Variants in FNDC1 observed in about 807,000 individuals in gnomAD.
FNDC1 encodes fibronectin type III domain-containing protein 1.
In FNDC1, 96 loss-of-function variants were observed where a neutral mutation model predicts 168.0. The ratio of observed to expected loss-of-function variants is 0.57; its 90% confidence interval spans 0.48 to 0.68. FNDC1 has a LOEUF of 0.68. Among genes scored for constraint, FNDC1 ranks in the 30% least tolerant of loss-of-function variants. FNDC1 has a pLI of 0.00. For missense variants in FNDC1, 2,587 were observed against 2,482.1 expected, an observed-to-expected ratio of 1.04 and a Z score of -0.90; for synonymous variants, 1,099 against 1,025.9, an observed-to-expected ratio of 1.07 and a Z score of -1.36.
At chr6:159,212,606 T>C (rs1327674232) in intron 4 of FNDC1, among the ~76,000 whole-genome samples, 1 of 152,216 alleles carries the variant, frequency 6.6e-6, no homozygotes, top group Non-Finnish European at 1.5e-5. Flanking sequence ...GAGGACATTC[T>C]CACTTCACTC....
intron 17 of FNDC1, among the ~76,000 whole-genome samples, chr6:159,253,321 C>T (rs984546296): frequency 2.6e-5 from 4 of 152,186 alleles, no homozygotes; most frequent in African/African-American, 4.8e-5. Context: ...GAGAGAATAG[C>T]GGCAGCTCGT....
intron 17 of FNDC1, among the ~76,000 whole-genome samples, chr6:159,252,356 C>T (rs763231272): frequency 3.0e-4 from 46 of 152,002 alleles, no homozygotes; most frequent in South Asian, 8.3e-4. Flanking sequence ...TAGTGCAGTT[C>T]GCACAATTCA....
chr6:159,227,962 A>T (rs1782988002), intron 9 of FNDC1, among the ~76,000 whole-genome samples: 1 of 152,176 alleles, frequency 6.6e-6, no homozygotes, highest in South Asian at 2.1e-4. Context: ...TTTTTACCAC[A>T]ATTTGAACTT....
At chr6:159,247,020 AG>A in intron 15 of FNDC1, 51 bp downstream of exon 15, 2 of 1,290,828 alleles carry the variant, frequency 1.5e-6, no homozygotes, top group Non-Finnish European at 2.3e-6. Flanking sequence ...TCCTAATCAA[AG>A]GATCTGATTG....
intron 18 of FNDC1, among the ~76,000 whole-genome samples, chr6:159,258,841 C>T (rs1404853710): frequency 2.0e-5 from 3 of 152,170 alleles, no homozygotes; most frequent in Admixed American, 6.5e-5. Flanking sequence ...AATTCACTTT[C>T]GTCATCTCAG....
At chr6:159,268,343 C>T (rs530248880) in intron 22 of FNDC1, among the ~76,000 whole-genome samples, 60 of 152,254 alleles carry the variant, frequency 3.9e-4, no homozygotes, top group African/African-American at 1.3e-3. Context: ...AGTCTAGCAC[C>T]CTTTTGATTA....
At chr6:159,229,184 C>A (rs961109625) in intron 9 of FNDC1, among the ~76,000 whole-genome samples, 1 of 152,166 alleles carries the variant, frequency 6.6e-6, no homozygotes, top group South Asian at 2.1e-4. Context: ...GACTATAGAG[C>A]AAGCCAATTA....
At chr6:159,182,387 T>C (rs1221819170) in intron 1 of FNDC1, among the ~76,000 whole-genome samples, 2 of 152,130 alleles carry the variant, frequency 1.3e-5, no homozygotes, top group East Asian at 3.9e-4. Flanking sequence ...AGACTATGTG[T>C]CCTCTTGGAA....
chr6:159,236,444 T>C (rs1414961351), intron 12 of FNDC1, 129 bp downstream of exon 12: 1 of 653,806 alleles, frequency 1.5e-6, no homozygotes, highest in Non-Finnish European at 2.7e-6. Flanking sequence ...ACTACTTATA[T>C]GTACTTGTAT....
chr6:159,188,745 ACTT>A (rs1202470429), intron 1 of FNDC1, among the ~76,000 whole-genome samples: 1 of 141,350 alleles, frequency 7.1e-6, no homozygotes, highest in Non-Finnish European at 1.5e-5. Flanking sequence ...GTTAATTTTT[ACTT>A]TTTTTTTTTT....
Position 159,226,514 on chromosome 6 carries a change from A to G in FNDC1, c.1114A>G (p.Asn372Asp), listed in dbSNP as rs190235347. The change falls in exon 9 of 23, where the codon AAT becomes GAT. Residue 372 changes from asparagine (N) to aspartate (D), a missense_variant. Coordinates refer to ENST00000297267, the MANE Select transcript of FNDC1 (RefSeq NM_032532.3). ...TGAAAACTTGAACGTCTGGCCAGTC[A>G]ATGGCAAACCTACAGTTGTCGCTGC... is the stretch of plus-strand genomic sequence containing the variant. ...APENLNVWPV[N>D]GKPTVVAASW... The G allele has an allele frequency of 1.2e-6, 2 of 1,612,680 alleles. No individual in the cohort carries two copies. Among genetic ancestry groups the G allele is most frequent in the Non-Finnish European group, 1.7e-6 (2 of 1,179,424 alleles).
At position 159,249,161 on chromosome 6, in the gene FNDC1, G is replaced by A. The variant is rs1274594943; in HGVS notation, c.4813G>A (p.Ala1605Thr). ...SSFPEEEFDLAGRKRFVAPYV... is the reference protein window; with the variant it reads ...SSFPEEEFDLTGRKRFVAPYV... Reference sequence around the variant, plus strand: ...CTTTCCTGAAGAAGAATTTGATCTGGCTGGAAGGAAACGATTTGTTGGTAA... The same window carrying A: ...CTTTCCTGAAGAAGAATTTGATCTGACTGGAAGGAAACGATTTGTTGGTAA... The change falls in exon 16 of 23, where the codon GCT becomes ACT. Residue 1605 changes from alanine (A) to threonine (T), a missense_variant. Transcript: ENST00000297267. 2 of 1,610,814 alleles carry A rather than the reference G, an allele frequency of 1.2e-6. No individual in the cohort carries two copies. The highest frequency in any genetic ancestry group is 2.2e-5 in the East Asian group (1 of 44,858).
At chr6:159,220,931 G>A (rs1335266420) in intron 5 of FNDC1, among the ~76,000 whole-genome samples, 1 of 152,168 alleles carries the variant, frequency 6.6e-6, no homozygotes, top group Non-Finnish European at 1.5e-5. Context: ...AGGACCAGCT[G>A]TTCAATTTTC....
intron 17 of FNDC1, 56 bp from the exon 18 acceptor site, chr6:159,256,467 T>TTG (rs1454198497): frequency 1.5e-6 from 2 of 1,319,012 alleles, no homozygotes; most frequent in Non-Finnish European, 2.2e-6. Context: ...GGGTTACATC[T>TTG]TGTGTGTGAC....
chr6:159,226,004 C>T (rs573690689), intron 8 of FNDC1, among the ~76,000 whole-genome samples: 112 of 152,284 alleles, frequency 7.4e-4, no homozygotes, highest in South Asian at 1.2e-3. Context: ...TAGCATGCAT[C>T]AGTCACCATT....
intron 4 of FNDC1, among the ~76,000 whole-genome samples, chr6:159,210,553 G>A: frequency 6.6e-6 from 1 of 152,172 alleles, no homozygotes; most frequent in East Asian, 1.9e-4. Context: ...CATTAAAGAG[G>A]GACTTTACGT....
chr6:159,231,344 C>T (rs1304041948), intron 10 of FNDC1, among the ~76,000 whole-genome samples: 1 of 28,604 alleles, frequency 3.5e-5, no homozygotes, highest in East Asian at 3.6e-4. Context: ...CACTGCAGTC[C>T]GCAGTCCGGC....
Position 159,239,922 on chromosome 6 carries a change from G to C in FNDC1, c.4586G>C (p.Ser1529Thr), listed in dbSNP as rs765880820. 92 of 1,508,922 alleles carry C rather than the reference G, an allele frequency of 6.1e-5. No homozygotes were observed. The highest frequency in any genetic ancestry group is 8.9e-6 in the Non-Finnish European group (10 of 1,123,596). 93.5% of individuals were successfully genotyped at this position (1,508,922 alleles called of 1,614,324 possible). A position where few individuals can be genotyped will look rare whatever the true frequency, so the allele number is the denominator to read the frequency against. ...GACGATGATGGCAACCTGATAATGA[G>C]CTCCAATGGGATCCCAGAGTGCTAC... ...RHDDDGNLIM[S>T]SNGIPECYAE... is the part of the protein sequence containing the mutation. Residue 1529 changes from serine (S) to threonine (T), a missense_variant, in exon 14 of 23, where the codon AGC becomes ACC. By Grantham distance (58) the Ser-to-Thr change is moderately conservative (BLOSUM62 1). Coordinates refer to ENST00000297267, the MANE Select transcript of FNDC1 (RefSeq NM_032532.3).
chr6:159,178,454 T>C (rs1781812558), intron 1 of FNDC1, among the ~76,000 whole-genome samples: 1 of 152,078 alleles, frequency 6.6e-6, no homozygotes, highest in Non-Finnish European at 1.5e-5. Context: ...TAGTTTCCCC[T>C]AAAGGCGGCA....
Sources: allele counts gnomAD v4.1 joint callset (sites outside exome capture counted in the v4.1 genomes callset), GRCh38; gene constraint gnomAD v4.1.1; transcripts MANE v1.5; gene names NCBI Gene and HGNC (gene_info 2026-07-23, HGNC 2026-07-21).